ART3: variants seen among roughly 807,000 people sequenced by gnomAD.
ART3 encodes ADP-ribosyltransferase 3 (inactive), also known as ecto-ADP-ribosyltransferase 3.
In ART3, 49 loss-of-function variants were observed where a neutral mutation model predicts 48.5. The observed-to-expected ratio is 1.01, with a 90% CI of 0.80 to 1.28. The LOEUF is 1.28. ART3 is among the 50% of genes most tolerant of loss of function. ART3 has a pLI of 0.00. For synonymous variants in ART3, 145 were observed against 157.2 expected (o/e 0.92, Z 0.58); for missense variants, 438 against 454.3 (o/e 0.96, Z 0.33).
In ART3 at chr4:76,110,898, A is replaced by G. The variant is rs140834655; in HGVS notation, c.1037-1488A>G. Reference sequence around the variant, plus strand: ...ATAAAATATATGTAGATGCTAGTCTATTTTTATCATTTACTACCATAAAAC... The same window carrying G: ...ATAAAATATATGTAGATGCTAGTCTGTTTTTATCATTTACTACCATAAAAC... On this transcript the variant is annotated intron_variant, in intron 11 of 11. Coordinates refer to ENST00000355810, the MANE Select transcript of ART3 (RefSeq NM_001130016.3). Among the ~76,000 whole-genome samples the G allele has an allele frequency of 3.9e-3, 590 of 152,236 alleles. 3 individuals are homozygous for G. Among genetic ancestry groups the G allele is most frequent in the African/African-American group, 0.014 (570 of 41,550 alleles).
chr4:76,070,275 A>G (rs1013274323), upstream of ART3, among the ~76,000 whole-genome samples: 12 of 152,216 alleles, frequency 7.9e-5, no homozygotes, highest in African/African-American at 2.9e-4. Flanking sequence ...CAAATTGTTT[A>G]AAAAATAGCT....
intron 3 of ART3, among the ~76,000 whole-genome samples, chr4:76,093,767 A>G (rs1013153022): frequency 6.6e-6 from 1 of 152,180 alleles, no homozygotes; most frequent in Admixed American, 6.5e-5. Flanking sequence ...CAGTAATTCT[A>G]TCTGGTGTAT....
chr4:76,078,287 A>T (rs1417988828), intron 2 of ART3, among the ~76,000 whole-genome samples: 1 of 151,910 alleles, frequency 6.6e-6, no homozygotes, highest in Non-Finnish European at 1.5e-5. Flanking sequence ...AGACATTTGG[A>T]GACTGGTTAG....
At chr4:76,038,411 C>A (rs114008251) in intron 1 of ART3, among the ~76,000 whole-genome samples, 209 of 152,174 alleles carry the variant, frequency 1.4e-3, no homozygotes, top group African/African-American at 4.9e-3. Flanking sequence ...TGGAACATAT[C>A]CCCCAAGGAT....
chr4:76,095,679 G>A (rs1286846094), intron 3 of ART3, among the ~76,000 whole-genome samples: 1 of 152,198 alleles, frequency 6.6e-6, no homozygotes, highest in Non-Finnish European at 1.5e-5. Context: ...CCTGGAATTT[G>A]CCTTTTTAAT....
intron 8 of ART3, 59 bp from the exon 9 acceptor site, chr4:76,103,878 G>C: frequency 7.7e-7 from 1 of 1,295,344 alleles, no homozygotes; most frequent in Non-Finnish European, 1.1e-6. Flanking sequence ...GACAAAAGAA[G>C]AGTATTAACA....
At chr4:76,090,859 T>C (rs138351671) in intron 3 of ART3, among the ~76,000 whole-genome samples, 11 of 152,352 alleles carry the variant, frequency 7.2e-5, no homozygotes, top group African/African-American at 2.6e-4. Context: ...ATTTTACATT[T>C]GTTGCTTACA....
intron 1 of ART3, among the ~76,000 whole-genome samples, chr4:76,030,315 C>T (rs767325719): frequency 5.3e-5 from 8 of 152,200 alleles, no homozygotes; most frequent in Non-Finnish European, 1.0e-4. Context: ...CTCGGCCTCC[C>T]AAAGTGCTGG....
chr4:76,085,880 T>A (rs1054668008), intron 3 of ART3, among the ~76,000 whole-genome samples: 2 of 152,120 alleles, frequency 1.3e-5, no homozygotes, highest in African/African-American at 4.8e-5. Context: ...GAGACCAGAT[T>A]GGCCAACATG....
chr4:76,091,667 T>C (rs1401117952), intron 3 of ART3, among the ~76,000 whole-genome samples: 1 of 149,946 alleles, frequency 6.7e-6, no homozygotes, highest in Non-Finnish European at 1.5e-5. Flanking sequence ...TTTCTCTGAA[T>C]TTGTAGCTTA....
chr4:76,104,118 A>G, intron 9 of ART3, 149 bp downstream of exon 9: 3 of 958,954 alleles, frequency 3.1e-6, no homozygotes, highest in Non-Finnish European at 4.7e-6. Flanking sequence ...TAGCTGGGGA[A>G]GCGTAGAGAA....
intron 1 of ART3, among the ~76,000 whole-genome samples, chr4:76,061,458 A>G (rs1719205434): frequency 6.6e-6 from 1 of 152,198 alleles, no homozygotes; most frequent in Non-Finnish European, 1.5e-5. Flanking sequence ...GTAATCTCCC[A>G]ACACATCTTC....
chr4:76,035,451 TA>T (rs1274298164), intron 1 of ART3: 1 of 1,125,216 alleles, frequency 8.9e-7, no homozygotes, highest in East Asian at 2.6e-5. Flanking sequence ...GTAAAGATAG[TA>T]ATTTGTCAAA....
chr4:76,068,269 A>G (rs1354322374), intron 1 of ART3, among the ~76,000 whole-genome samples: 1 of 152,226 alleles, frequency 6.6e-6, no homozygotes, highest in African/African-American at 2.4e-5. Flanking sequence ...ATCATGATAT[A>G]AAACATTTCA....
In ART3 at chr4:76,040,437, T is replaced by TACACACACACACACAC. The variant is rs748020159; in HGVS notation, c.-10+29145_-10+29160dup. ...TGGATGGATACGCACATACACTGGATACACACACACACACACACACACACA... is the reference window on the plus strand; with the variant it reads ...TGGATGGATACGCACATACACTGGATACACACACACACACACACACACACACACACACACACACACA... On this transcript the variant is annotated intron_variant, in intron 1 of 9. Transcript: ENST00000341029. Among the ~76,000 whole-genome samples the TACACACACACACACAC allele has an allele frequency of 2.5e-4, 22 of 88,490 alleles. 1 individual carries two copies. In the East Asian group the frequency reaches 5.6e-3, roughly 23 times the overall value. 58.1% of individuals were successfully genotyped at this position (88,490 alleles called of 152,430 possible).
At chr4:76,036,422 C>T (rs1734412536) in intron 1 of ART3, among the ~76,000 whole-genome samples, 1 of 152,090 alleles carries the variant, frequency 6.6e-6, no homozygotes, top group Non-Finnish European at 1.5e-5. Flanking sequence ...CTTCACATAT[C>T]TATACAAAAT....
chr4:76,070,509 T>C (rs1194266148), upstream of ART3, among the ~76,000 whole-genome samples: 2 of 152,230 alleles, frequency 1.3e-5, no homozygotes, highest in African/African-American at 4.8e-5. Context: ...TTGCCCGTAA[T>C]CATTCAATAA....
upstream of ART3, among the ~76,000 whole-genome samples, chr4:76,073,205 A>G (rs992326858): frequency 6.6e-6 from 1 of 152,230 alleles, no homozygotes; most frequent in African/African-American, 2.4e-5. Flanking sequence ...TATTTGTTCA[A>G]TGAATGAATG....
At chr4:76,073,903 A>G (rs574161812), upstream of ART3, among the ~76,000 whole-genome samples, 27 of 152,328 alleles carry the variant, frequency 1.8e-4, 1 homozygote, top group South Asian at 5.2e-3. Context: ...TTGCTATATA[A>G]AATTTCACTT....
Sources: allele counts gnomAD v4.1 joint callset (sites outside exome capture counted in the v4.1 genomes callset), GRCh38; gene constraint gnomAD v4.1.1; transcripts MANE v1.5; gene names NCBI Gene and HGNC (gene_info 2026-07-23, HGNC 2026-07-21).